Variants in KAZN observed in about 807,000 individuals in gnomAD.
KAZN encodes the protein kazrin.
Under a neutral mutation model 87.4 loss-of-function variants are expected in KAZN, and 40 were observed. That is an observed-to-expected ratio of 0.46 (90% CI 0.36 to 0.60). KAZN has a LOEUF of 0.60. Ranked by LOEUF, KAZN falls within the 20% of genes least tolerant of loss-of-function variation. KAZN has a pLI of 0.00. For synonymous variants in KAZN, 466 were observed against 458.3 expected, an observed-to-expected ratio of 1.02 and a Z score of -0.22; for missense variants, 898 against 1,073.9, an observed-to-expected ratio of 0.84 and a Z score of 2.29.
chr1:14,652,644 T>C (rs1040099117), intron 1 of KAZN, among the ~76,000 whole-genome samples: 6 of 44,042 alleles, frequency 1.4e-4, no homozygotes, highest in African/African-American at 2.0e-4. Flanking sequence ...CACCCATCCA[T>C]CCACCCATCC....
At chr1:15,102,259 AAAG>A (rs1641100487) in intron 11 of KAZN, among the ~76,000 whole-genome samples, 1 of 152,210 alleles carries the variant, frequency 6.6e-6, no homozygotes, top group South Asian at 2.1e-4. Context: ...AAAAAGAAAA[AAAG>A]AAAACCCAGA....
intron 2 of KAZN, among the ~76,000 whole-genome samples, chr1:14,251,171 G>C (rs1200072222): frequency 2.0e-5 from 3 of 152,134 alleles, no homozygotes; most frequent in African/African-American, 7.2e-5. Flanking sequence ...TCCATCCACG[G>C]AATGGGGAAC....
At chr1:14,654,839 C>G (rs941064132) in intron 1 of KAZN, among the ~76,000 whole-genome samples, 1 of 152,234 alleles carries the variant, frequency 6.6e-6, no homozygotes, top group African/African-American at 2.4e-5. Flanking sequence ...TCCAGGGATG[C>G]CAGCCTGGCC....
At chr1:14,479,899 C>T (rs1172560121) in intron 2 of KAZN, among the ~76,000 whole-genome samples, 1 of 152,118 alleles carries the variant, frequency 6.6e-6, no homozygotes, top group Non-Finnish European at 1.5e-5. Context: ...TGTGGAGCAT[C>T]TGTTCAAGAT....
intron 2 of KAZN, among the ~76,000 whole-genome samples, chr1:14,436,737 A>AC (rs1666418728): frequency 6.6e-6 from 1 of 150,912 alleles, no homozygotes; most frequent in Non-Finnish European, 1.5e-5. Context: ...AAAAAAAAAA[A>AC]ACCTTAAAAC....
intron 1 of KAZN, among the ~76,000 whole-genome samples, chr1:14,713,490 C>A (rs1383694151): frequency 6.6e-6 from 1 of 152,014 alleles, no homozygotes; most frequent in Non-Finnish European, 1.5e-5. Flanking sequence ...GTGATTTTGT[C>A]CCCCAGGAGA....
chr1:14,336,858 T>A (rs1657306758), intron 2 of KAZN, among the ~76,000 whole-genome samples: 1 of 152,232 alleles, frequency 6.6e-6, no homozygotes, highest in South Asian at 2.1e-4. Flanking sequence ...TTAGCAGATA[T>A]ATGATTTGCA....
At chr1:14,956,406 C>T (rs1663108763) in intron 1 of KAZN, among the ~76,000 whole-genome samples, 2 of 151,624 alleles carry the variant, frequency 1.3e-5, no homozygotes, top group Non-Finnish European at 2.9e-5. Flanking sequence ...TCGAGACCAG[C>T]CTAGCCAACA....
At chr1:14,373,100 G>T (rs974557741) in intron 2 of KAZN, among the ~76,000 whole-genome samples, 4 of 152,038 alleles carry the variant, frequency 2.6e-5, no homozygotes, top group Admixed American at 2.6e-4. Context: ...GAAAGCTGGA[G>T]GTAGGTAGTA....
intron 2 of KAZN, among the ~76,000 whole-genome samples, chr1:14,445,122 T>G (rs2148320436): frequency 6.6e-6 from 1 of 151,064 alleles, no homozygotes; most frequent in Admixed American, 6.6e-5. Flanking sequence ...GCCTCCCGGG[T>G]TCAAGCTATT....
intron 2 of KAZN, among the ~76,000 whole-genome samples, chr1:14,514,528 TAG>T (rs1254324192): frequency 0.012 from 222 of 18,090 alleles, 4 homozygotes; most frequent in African/African-American, 0.019. Context: ...ATATATATTT[TAG>T]ATATATTTTA....
intron 1 of KAZN, among the ~76,000 whole-genome samples, chr1:14,059,027 A>G (rs2101505275): frequency 6.6e-6 from 1 of 152,324 alleles, no homozygotes; most frequent in South Asian, 2.1e-4. Context: ...CAGAATTTGC[A>G]ATCTCTTTAA....
intron 2 of KAZN, among the ~76,000 whole-genome samples, chr1:14,583,158 A>G (rs1160153060): frequency 6.6e-6 from 1 of 152,246 alleles, no homozygotes; most frequent in Non-Finnish European, 1.5e-5. Flanking sequence ...AGAGAAGGCA[A>G]GTTCCTTACC....
At chr1:14,312,330 TA>T (rs1481069304) in intron 2 of KAZN, among the ~76,000 whole-genome samples, 1 of 152,172 alleles carries the variant, frequency 6.6e-6, no homozygotes, top group Non-Finnish European at 1.5e-5. Flanking sequence ...TAATAACAAT[TA>T]AAGCTGTGCA....
rs188748807 is a variant in KAZN, at chr1:14,905,715, G to A, written c.227-54969G>A. 4.1e-4 allele frequency among the ~76,000 whole-genome samples: 61 copies of A among 148,906 alleles called. No homozygotes were observed. In the East Asian group the frequency reaches 5.9e-3, roughly 14 times the overall value. Reference sequence around the variant, plus strand: ...AAAAATTAGCTGGGCATGGTGGCACGTGCCTGTAATCCCGGCTACTCGGGA... The same window carrying A: ...AAAAATTAGCTGGGCATGGTGGCACATGCCTGTAATCCCGGCTACTCGGGA... On this transcript the variant is annotated intron_variant, in intron 1 of 14. Coordinates refer to ENST00000376030, the MANE Select transcript of KAZN (RefSeq NM_201628.3).
At chr1:14,717,388 TATTAGGA>T (rs1360715991) in intron 1 of KAZN, among the ~76,000 whole-genome samples, 1 of 151,976 alleles carries the variant, frequency 6.6e-6, no homozygotes, top group Non-Finnish European at 1.5e-5. Context: ...AAAATCAAGG[TATTAGGA>T]GGGCGATGCT....
intron 2 of KAZN, among the ~76,000 whole-genome samples, chr1:14,441,612 T>C (rs1666710151): frequency 6.6e-6 from 1 of 152,204 alleles, no homozygotes; most frequent in African/African-American, 2.4e-5. Flanking sequence ...CACAAATTAA[T>C]TGTTTGCAGC....
intron 8 of KAZN, 56 bp downstream of exon 8, chr1:15,065,809 C>T (rs747792165): frequency 1.9e-6 from 3 of 1,594,464 alleles, no homozygotes; most frequent in African/African-American, 2.7e-5. Context: ...ACGCGCTCCC[C>T]TGCGCCTGCT....
At chr1:15,000,622 C>A (rs922274407) in intron 2 of KAZN, among the ~76,000 whole-genome samples, 8 of 151,868 alleles carry the variant, frequency 5.3e-5, no homozygotes, top group Non-Finnish European at 1.2e-4. Flanking sequence ...AAGGTTCATT[C>A]CTCCTAGAAC....
Sources: allele counts gnomAD v4.1 joint callset (sites outside exome capture counted in the v4.1 genomes callset), GRCh38; gene constraint gnomAD v4.1.1; transcripts MANE v1.5; gene names NCBI Gene and HGNC (gene_info 2026-07-23, HGNC 2026-07-21).